KLF8: variants seen among roughly 807,000 people sequenced by gnomAD.
KLF8 encodes the protein Krueppel-like factor 8.
In KLF8, 10 loss-of-function variants were observed where a neutral mutation model predicts 18.2. The ratio of observed to expected loss-of-function variants is 0.55; its 90% CI spans 0.34 to 0.93. KLF8 has a LOEUF of 0.93. Ranked by LOEUF, KLF8 falls within the 40% of genes least tolerant of loss-of-function variation. The probability of loss-of-function intolerance (pLI) is 0.02; values close to 1 mark genes in which losing one functional copy is unlikely to be tolerated. For synonymous variants in KLF8, 109 were observed against 97.3 expected (o/e 1.12, Z -0.71); for missense variants, 264 against 277.9 (o/e 0.95, Z 0.36).
the KLF8 span, among the ~76,000 whole-genome samples, chrX:56,012,454 TAAG>T: frequency 8.9e-6 from 1 of 111,947 alleles, no homozygotes; most frequent in Non-Finnish European, 1.9e-5. Context: ...CTCAAAATAA[TAAG>T]AACCATTTAT....
At chrX:56,003,634 C>A in the KLF8 span, among the ~76,000 whole-genome samples, 1 of 111,287 alleles carries the variant, frequency 9.0e-6, no homozygotes, top group Admixed American at 9.5e-5. Flanking sequence ...AGTTGCATGG[C>A]AATGTAGTGT....
the KLF8 span, among the ~76,000 whole-genome samples, chrX:56,006,049 CCTG>C: frequency 8.9e-6 from 1 of 112,405 alleles, no homozygotes; most frequent in Non-Finnish European, 1.9e-5. Flanking sequence ...ACAAGGCTGT[CCTG>C]CTCTCTCCAG....
intron 2 of KLF8, among the ~76,000 whole-genome samples, chrX:56,264,762 C>T (rs192611192): frequency 1.2e-4 from 13 of 111,196 alleles, no homozygotes; most frequent in Admixed American, 1.1e-3. Context: ...TTTTCTAAAA[C>T]GCCTTGCTTG....
At chrX:56,093,192 G>A in the KLF8 span, among the ~76,000 whole-genome samples, 6 of 110,835 alleles carry the variant, frequency 5.4e-5, no homozygotes, top group Non-Finnish European at 9.5e-5. Context: ...AGAAATCCAG[G>A]TAGCTCTTAG....
At chrX:55,974,996 A>G in the KLF8 span, among the ~76,000 whole-genome samples, 3 of 112,156 alleles carry the variant, frequency 2.7e-5, no homozygotes, top group Admixed American at 9.5e-5. Context: ...TAGGTTTAAA[A>G]ATTATATTTG....
Position 56,265,243 on chromosome X carries a change from C to T in KLF8, c.145C>T (p.Pro49Ser), listed in dbSNP as rs777618241. 1 of 1,209,084 alleles carries T rather than the reference C, an allele frequency of 8.3e-7. No individual in the cohort carries two copies. Among genetic ancestry groups the T allele is most frequent in the East Asian group, 3.0e-5 (1 of 33,799 alleles). ...AGAATACAGAAGTAATATGACTTCT[C>T]CAACACTCCTGGATGCCAACCCCAT... ...EIEYRSNMTS[P>S]TLLDANPMEN... Residue 49 changes from proline to serine, a missense_variant, in exon 3 of 6, where the codon CCA becomes TCA. Coordinates refer to ENST00000468660, the MANE Select transcript of KLF8 (RefSeq NM_007250.5).
chrX:56,003,652 A>G, the KLF8 span, among the ~76,000 whole-genome samples: 2 of 111,646 alleles, frequency 1.8e-5, no homozygotes, highest in Non-Finnish European at 3.8e-5. Flanking sequence ...TGTCATTGAA[A>G]AATTCCTGGG....
At chrX:56,167,869 A>G in the KLF8 span, among the ~76,000 whole-genome samples, 5 of 112,321 alleles carry the variant, frequency 4.5e-5, no homozygotes, top group African/African-American at 1.6e-4. Flanking sequence ...TCAAACATAT[A>G]TTACTTAGCA....
chrX:56,233,444 T>G, intron 1 of KLF8, 103 bp downstream of exon 1: 1 of 646,914 alleles, frequency 1.5e-6, no homozygotes, highest in Non-Finnish European at 2.6e-6. Flanking sequence ...CACTTGGGGT[T>G]TCAGCAGTGG....
chrX:56,082,306 C>T, the KLF8 span, among the ~76,000 whole-genome samples: 1 of 111,440 alleles, frequency 9.0e-6, no homozygotes, highest in Non-Finnish European at 1.9e-5. Context: ...AATTATATCT[C>T]ATGATTCATT....
chrX:55,918,730 A>G, the KLF8 span, among the ~76,000 whole-genome samples: 1 of 111,372 alleles, frequency 9.0e-6, no homozygotes, highest in Non-Finnish European at 1.9e-5. Context: ...CTGTGTGTAT[A>G]TGAGCGTGTC....
At chrX:56,063,945 T>A in the KLF8 span, among the ~76,000 whole-genome samples, 2 of 109,599 alleles carry the variant, frequency 1.8e-5, no homozygotes, top group South Asian at 7.9e-4. Context: ...GATACTATCC[T>A]TTCACTTCCA....
chrX:56,011,196 T>G, the KLF8 span, among the ~76,000 whole-genome samples: 1 of 112,113 alleles, frequency 8.9e-6, no homozygotes, highest in Non-Finnish European at 1.9e-5. Flanking sequence ...TGGCACTGAC[T>G]CTAAAATTGA....
the KLF8 span, among the ~76,000 whole-genome samples, chrX:56,029,015 A>T: frequency 2.7e-5 from 3 of 110,673 alleles, no homozygotes; most frequent in African/African-American, 9.9e-5. Context: ...AAAGCTTTCA[A>T]GTGTCTAAAA....
chrX:56,072,473 T>C, the KLF8 span, among the ~76,000 whole-genome samples: 1 of 111,611 alleles, frequency 9.0e-6, no homozygotes, highest in Non-Finnish European at 1.9e-5. Context: ...GTAGATTAGC[T>C]CTTCAAATCA....
chrX:56,036,423 T>G, the KLF8 span, among the ~76,000 whole-genome samples: 1 of 112,118 alleles, frequency 8.9e-6, no homozygotes, highest in African/African-American at 3.2e-5. Flanking sequence ...CAGCACCATG[T>G]ATTGAAAAGA....
At chrX:56,253,940 T>G (rs1282933678) in intron 2 of KLF8, among the ~76,000 whole-genome samples, 1 of 105,556 alleles carries the variant, frequency 9.5e-6, no homozygotes, top group Non-Finnish European at 1.9e-5. Context: ...TTTTTTTTTT[T>G]TTTTGGCAGA....
the KLF8 span, among the ~76,000 whole-genome samples, chrX:56,102,545 G>T: frequency 9.0e-6 from 1 of 110,723 alleles, no homozygotes; most frequent in Admixed American, 9.6e-5. Context: ...AAATTTCTTT[G>T]GGCAGTATGG....
At chrX:56,056,553 A>G in the KLF8 span, among the ~76,000 whole-genome samples, 4 of 100,406 alleles carry the variant, frequency 4.0e-5, no homozygotes, top group African/African-American at 1.1e-4. Flanking sequence ...GCAAGAACAA[A>G]AAACCAAACA....
Sources: allele counts gnomAD v4.1 joint callset (sites outside exome capture counted in the v4.1 genomes callset), GRCh38; gene constraint gnomAD v4.1.1; transcripts MANE v1.5; gene names NCBI Gene and HGNC (gene_info 2026-07-23, HGNC 2026-07-21).